The following METAP1D variants were observed in gnomAD, a reference collection of about 807,000 sequenced individuals.
METAP1D encodes the protein methionyl aminopeptidase type 1D, mitochondrial.
A neutral mutation model predicts 40.5 loss-of-function variants in METAP1D; 31 were observed. The observed-to-expected ratio is 0.77, with a 90% confidence interval of 0.58 to 1.03. The LOEUF is 1.03. Ranked by LOEUF, METAP1D falls within the 50% of genes least tolerant of loss-of-function variation. The pLI, the probability that METAP1D is intolerant of heterozygous loss-of-function variation, is 0.00. For missense variants in METAP1D, 411 were observed against 420.7 expected (o/e 0.98, Z 0.20); for synonymous variants, 151 against 146.4 (o/e 1.03, Z -0.22).
In METAP1D at chr2:172,042,228, C is replaced by CGTGTACAT. The variant is rs1553493536; in HGVS notation, c.41-19270_41-19269insGTGTACAT. 9.4e-4 allele frequency among the ~76,000 whole-genome samples: 11 copies of CGTGTACAT among 11,716 alleles called. 1 individual carries two copies. Among genetic ancestry groups the CGTGTACAT allele is most frequent in the Non-Finnish European group, 2.5e-3 (8 of 3,264 alleles). 7.7% of individuals were successfully genotyped at this position (11,716 alleles called of 152,430 possible). Reference sequence around the variant, plus strand: ...ACATATGTATGTGTACATGTGTACACATATACATATGTATGTGTACATGTG... The same window carrying CGTGTACAT: ...ACATATGTATGTGTACATGTGTACACGTGTACATATATACATATGTATGTGTACATGTG... On this transcript the variant is annotated intron_variant, in intron 1 of 9. Transcript: ENST00000315796.
chr2:172,041,731 TATA>T lies in METAP1D; in HGVS notation c.41-19766_41-19764del, dbSNP rs1689534737. Among the ~76,000 whole-genome samples the T allele has an allele frequency of 1.4e-4, 4 of 29,622 alleles. 2 individuals are homozygous for T. The highest frequency in any genetic ancestry group is 6.2e-4 in the Admixed American group (2 of 3,230). 19.4% of individuals were successfully genotyped at this position (29,622 alleles called of 152,430 possible). A position where few individuals can be genotyped will look rare whatever the true frequency, so the allele number is the denominator to read the frequency against. ...ATTTCCTTACTCTAATTATTTTATA[TATA>T]TATATATATATATATATATATATAT... On this transcript the variant is annotated intron_variant, in intron 1 of 9. Coordinates refer to ENST00000315796, the MANE Select transcript of METAP1D (RefSeq NM_199227.3).
chr2:172,016,205 G>A (rs1192860085), intron 1 of METAP1D, among the ~76,000 whole-genome samples: 2 of 132,722 alleles, frequency 1.5e-5, no homozygotes, highest in Non-Finnish European at 3.1e-5. Context: ...GAACCCAGGA[G>A]TCCAAGGTTG....
intron 1 of METAP1D, among the ~76,000 whole-genome samples, chr2:172,048,713 A>G (rs1689815899): frequency 2.0e-5 from 3 of 152,228 alleles, no homozygotes; most frequent in Admixed American, 6.5e-5. Context: ...CAGTAGAAGC[A>G]TACTTCAAAA....
At position 172,081,312 on chromosome 2, in the gene METAP1D, T is replaced by G. The variant is rs1690709543; in HGVS notation, c.*906T>G. ...AAATGACCCCTCCCCAGACTGGCCC[T>G]TCTCGCATCGGGACCCGCGCTTGCA... On this transcript the variant is annotated 3_prime_UTR_variant, in exon 10 of 10. Coordinates refer to ENST00000315796, the MANE Select transcript of METAP1D (RefSeq NM_199227.3). 1 of 152,444 alleles carries G rather than the reference T, an allele frequency of 6.6e-6. No homozygotes were observed. Among genetic ancestry groups the G allele is most frequent in the Admixed American group, 6.5e-5 (1 of 15,292 alleles). The allele number at this position is 152,444 out of a possible 1,614,324, so 9.4% of individuals were successfully genotyped here. A position where few individuals can be genotyped will look rare whatever the true frequency, so the allele number is the denominator to read the frequency against.
Position 172,026,869 on chromosome 2 carries a change from G to T in METAP1D, c.40+26860G>T, listed in dbSNP as rs572849721. Among the ~76,000 whole-genome samples, 20 of 152,254 alleles carry T rather than the reference G, an allele frequency of 1.3e-4. No homozygotes were observed. The South Asian group carries it at 1.5e-3, about 11-fold the overall frequency. ...CCAACATCCTATCCAGAGGGAAGGGGATAAATTTTTATTATCTATATTTAC... is the reference window on the plus strand; with the variant it reads ...CCAACATCCTATCCAGAGGGAAGGGTATAAATTTTTATTATCTATATTTAC... On this transcript the variant is annotated intron_variant, in intron 1 of 9. Transcript: ENST00000315796.
chr2:172,020,013 G>A (rs185685510), intron 1 of METAP1D, among the ~76,000 whole-genome samples: 5 of 152,136 alleles, frequency 3.3e-5, no homozygotes, highest in South Asian at 2.1e-4. Flanking sequence ...CTTTTTTTTA[G>A]ACAAGAGTCT....
chr2:172,078,915 GGA>G (rs1157632535), intron 7 of METAP1D, among the ~76,000 whole-genome samples: 1 of 152,174 alleles, frequency 6.6e-6, no homozygotes, highest in Non-Finnish European at 1.5e-5. Context: ...TGGGGGACAG[GGA>G]GAGGGGGCGA....
At chr2:172,047,017 T>C (rs1202144783) in intron 1 of METAP1D, among the ~76,000 whole-genome samples, 1 of 152,210 alleles carries the variant, frequency 6.6e-6, no homozygotes, top group Admixed American at 6.5e-5. Context: ...CACTGGTAAT[T>C]ATTTGTTTTT....
rs61596658 is a variant in METAP1D at position 172,024,748 on chromosome 2, TTGTG to T, written c.40+24777_40+24780del. On this transcript the variant is annotated intron_variant, in intron 1 of 9. Coordinates refer to ENST00000315796, the MANE Select transcript of METAP1D (RefSeq NM_199227.3). The stretch of plus-strand genomic sequence containing the variant: ...AGCCTCCTTTTTAAAGACATATAGA[TTGTG>T]TGTGTGTGTGTGTGTGTGTGTGTGT... Among the ~76,000 whole-genome samples, 489 of 66,616 alleles carry T rather than the reference TTGTG, an allele frequency of 7.3e-3. 3 individuals carry two copies. The highest frequency in any genetic ancestry group is 0.012 in the Middle Eastern group (1 of 86). The allele number at this position is 66,616 out of a possible 152,430, so 43.7% of individuals were successfully genotyped here. A position where few individuals can be genotyped will look rare whatever the true frequency, so the allele number is the denominator to read the frequency against.
At chr2:172,031,907 G>T (rs1343726284) in intron 1 of METAP1D, among the ~76,000 whole-genome samples, 1 of 152,152 alleles carries the variant, frequency 6.6e-6, no homozygotes, top group African/African-American at 2.4e-5. Context: ...CCATTTGGTC[G>T]GCCTGATGGT....
chr2:172,013,192 G>A (rs745543042), intron 1 of METAP1D, among the ~76,000 whole-genome samples: 11 of 152,170 alleles, frequency 7.2e-5, no homozygotes, highest in Non-Finnish European at 1.5e-4. Flanking sequence ...TTGTGTGTGC[G>A]CTCCGGCTGT....
chr2:172,010,649 C>T (rs1341140175), intron 1 of METAP1D, among the ~76,000 whole-genome samples: 4 of 151,550 alleles, frequency 2.6e-5, no homozygotes, highest in East Asian at 1.9e-4. Flanking sequence ...TGTGCCACCT[C>T]GCCTGGCTAG....
intron 4 of METAP1D, 94 bp from the exon 5 acceptor site, chr2:172,066,170 A>T: frequency 1.0e-6 from 1 of 960,924 alleles, no homozygotes; most frequent in Non-Finnish European, 1.6e-6. Flanking sequence ...ACTGCATCCC[A>T]TTGGGTTTGT....
chr2:172,066,458 A>G, intron 5 of METAP1D, 152 bp downstream of exon 5: 1 of 626,938 alleles, frequency 1.6e-6, no homozygotes, highest in Non-Finnish European at 2.7e-6. Flanking sequence ...TTTGTCTTTA[A>G]CTCTGTGTTT....
chr2:172,009,339 G>A lies in METAP1D; in HGVS notation c.40+9330G>A, dbSNP rs563171448. ...ATTACAGGCGTGAGCCACCGCGCCC[G>A]GCCTGGAATTTTCTATTTAATATTT... On this transcript the variant is annotated intron_variant, in intron 1 of 9. Coordinates refer to ENST00000315796, the MANE Select transcript of METAP1D (RefSeq NM_199227.3). Among the ~76,000 whole-genome samples, 223 of 152,124 alleles carry A rather than the reference G, an allele frequency of 1.5e-3. 1 individual carries two copies. The highest frequency in any genetic ancestry group is 5.1e-3 in the African/African-American group (213 of 41,502).
intron 1 of METAP1D, among the ~76,000 whole-genome samples, chr2:172,017,235 TACACAC>T (rs370746234): frequency 0.19 from 25,836 of 139,288 alleles, 2,593 homozygotes; most frequent in Non-Finnish European, 0.23. Context: ...TGAAAGGTTT[TACACAC>T]ACACACACAC....
chr2:172,024,147 C>G (rs1430841969), intron 1 of METAP1D, among the ~76,000 whole-genome samples: 1 of 152,182 alleles, frequency 6.6e-6, no homozygotes, highest in African/African-American at 2.4e-5. Context: ...GCATGAGCCA[C>G]TGTGCCTGGC....
intron 7 of METAP1D, among the ~76,000 whole-genome samples, chr2:172,078,610 G>A (rs944420955): frequency 3.9e-5 from 6 of 152,126 alleles, no homozygotes; most frequent in African/African-American, 7.2e-5. Context: ...CTACTCTTTC[G>A]GACCCATGCC....
intron 6 of METAP1D, chr2:172,072,364 A>G (rs1247752971): frequency 4.2e-5 from 7 of 167,428 alleles, no homozygotes; most frequent in Non-Finnish European, 5.9e-5. Flanking sequence ...AAGGGGGCAG[A>G]GAACACTAGA....
Sources: gnomAD v4.1 joint callset for allele counts (sites outside exome capture counted in the v4.1 genomes callset) on GRCh38, gnomAD v4.1.1 for gene constraint, MANE v1.5 for transcripts, NCBI Gene and HGNC (gene_info 2026-07-23, HGNC 2026-07-21) for gene names.